Variants in OSBPL10 observed in about 807,000 individuals in gnomAD.
OSBPL10 encodes the protein oxysterol-binding protein-related protein 10.
In OSBPL10, 49 loss-of-function variants were observed where a neutral mutation model predicts 81.7. That is an observed-to-expected ratio of 0.60 (90% CI 0.48 to 0.76). The LOEUF (loss-of-function observed/expected upper bound fraction) is 0.76. OSBPL10 is among the 30% of genes least tolerant of loss of function. The pLI is 0.00. For missense variants in OSBPL10, 923 were observed against 987.8 expected (o/e 0.93, Z 0.88); for synonymous variants, 419 against 383.6 (o/e 1.09, Z -1.08).
intron 3 of OSBPL10, among the ~76,000 whole-genome samples, chr3:31,864,737 G>A (rs1191950190): frequency 1.3e-5 from 2 of 152,142 alleles, no homozygotes; most frequent in Non-Finnish European, 2.9e-5. Context: ...GACCCGAAAT[G>A]AGTGGGCATT....
chr3:31,980,586 CG>C (rs1422140504), intron 1 of OSBPL10, among the ~76,000 whole-genome samples: 2 of 152,178 alleles, frequency 1.3e-5, no homozygotes, highest in Non-Finnish European at 2.9e-5. Context: ...AAGCAGAGCA[CG>C]GGGACCAGCA....
intron 3 of OSBPL10, among the ~76,000 whole-genome samples, chr3:31,871,459 C>A (rs1701324482): frequency 6.6e-6 from 1 of 152,216 alleles, no homozygotes; most frequent in Non-Finnish European, 1.5e-5. Flanking sequence ...GTAACACTCA[C>A]CGCAAGGGTC....
chr3:32,024,882 TC>T (rs1300094420), intron 2 of OSBPL10, among the ~76,000 whole-genome samples: 1 of 152,236 alleles, frequency 6.6e-6, no homozygotes, highest in East Asian at 1.9e-4. Context: ...ATTTATTAGT[TC>T]TAGATTTGTG....
At chr3:31,897,483 A>G (rs1440306626) in intron 1 of OSBPL10, among the ~76,000 whole-genome samples, 1 of 152,224 alleles carries the variant, frequency 6.6e-6, no homozygotes, top group Non-Finnish European at 1.5e-5. Context: ...CTAAAGAAAC[A>G]AGGACCAAGT....
chr3:31,867,263 A>G (rs531502142), intron 3 of OSBPL10, among the ~76,000 whole-genome samples: 26 of 152,306 alleles, frequency 1.7e-4, no homozygotes, highest in African/African-American at 5.8e-4. Context: ...AAGCCCAGAG[A>G]AAAGATTTCT....
intron 4 of OSBPL10, among the ~76,000 whole-genome samples, chr3:31,802,388 T>A (rs1478627314): frequency 6.7e-6 from 1 of 149,382 alleles, no homozygotes; most frequent in African/African-American, 2.5e-5. Context: ...TGAAACCCCA[T>A]CTCTACTAAA....
chr3:31,662,203 G>A (rs1700086419), intron 11 of OSBPL10, 87 bp from the exon 12 acceptor site: 1 of 1,598,372 alleles, frequency 6.3e-7, no homozygotes, highest in South Asian at 1.1e-5. Flanking sequence ...CACTCTGTGT[G>A]TCTGCCGTGT....
At chr3:31,965,395 A>G (rs796866266) in intron 1 of OSBPL10, among the ~76,000 whole-genome samples, 6 of 107,408 alleles carry the variant, frequency 5.6e-5, no homozygotes. Flanking sequence ...TATGTATAAT[A>G]TATAATATAA....
At chr3:32,003,362 C>T (rs994182672) in intron 2 of OSBPL10, among the ~76,000 whole-genome samples, 44 of 152,158 alleles carry the variant, frequency 2.9e-4, no homozygotes, top group African/African-American at 1.0e-3. Context: ...AGGGGGAGTT[C>T]CCCCGAGGTT....
intron 4 of OSBPL10, among the ~76,000 whole-genome samples, chr3:31,790,351 C>T (rs1428237290): frequency 6.6e-6 from 1 of 152,170 alleles, no homozygotes; most frequent in Non-Finnish European, 1.5e-5. Flanking sequence ...GCAATATGTT[C>T]CCCAAACCTT....
chr3:31,769,879 G>A (rs1035112600), intron 4 of OSBPL10, among the ~76,000 whole-genome samples: 3 of 123,372 alleles, frequency 2.4e-5, no homozygotes, highest in Non-Finnish European at 1.7e-5. Context: ...TTTAAATGGT[G>A]AAAATAGTTC....
chr3:32,040,436 T>A (rs1411812397), intron 2 of OSBPL10, among the ~76,000 whole-genome samples: 1 of 151,810 alleles, frequency 6.6e-6, no homozygotes, highest in Non-Finnish European at 1.5e-5. Context: ...ATTAGCCAGA[T>A]GTGGTGGCAT....
chr3:31,730,272 C>T (rs540463935), intron 6 of OSBPL10, among the ~76,000 whole-genome samples: 1 of 151,130 alleles, frequency 6.6e-6, no homozygotes, highest in Non-Finnish European at 1.5e-5. Flanking sequence ...ACCCGGGAGG[C>T]GGAGGTTGCA....
intron 4 of OSBPL10, among the ~76,000 whole-genome samples, chr3:31,749,701 G>A (rs1041133126): frequency 6.6e-6 from 1 of 152,086 alleles, no homozygotes; most frequent in African/African-American, 2.4e-5. Flanking sequence ...TGTAGTCCCA[G>A]CTACTCAGGA....
intron 2 of OSBPL10, among the ~76,000 whole-genome samples, chr3:32,023,981 C>G (rs1270790392): frequency 6.6e-6 from 1 of 152,134 alleles, no homozygotes; most frequent in African/African-American, 2.4e-5. Flanking sequence ...GGATTTTCCA[C>G]TTAATATTTT....
At chr3:31,698,299 A>G (rs1415257947) in intron 7 of OSBPL10, among the ~76,000 whole-genome samples, 1 of 151,784 alleles carries the variant, frequency 6.6e-6, no homozygotes, top group Non-Finnish European at 1.5e-5. Context: ...AAAATACAAA[A>G]AATTAGCTGG....
At chr3:31,786,775 T>C (rs1016452355) in intron 4 of OSBPL10, among the ~76,000 whole-genome samples, 2 of 152,208 alleles carry the variant, frequency 1.3e-5, no homozygotes, top group Admixed American at 1.3e-4. Context: ...GGTTTTGGTT[T>C]TCTTAAGTCT....
At chr3:31,691,648 T>C (rs918978275) in intron 7 of OSBPL10, among the ~76,000 whole-genome samples, 2 of 152,094 alleles carry the variant, frequency 1.3e-5, no homozygotes, top group African/African-American at 4.8e-5. Flanking sequence ...GGAGGATCAC[T>C]TGAGCCCAGG....
At chr3:32,032,292 G>A (rs139465623) in intron 2 of OSBPL10, among the ~76,000 whole-genome samples, 1,841 of 152,146 alleles carry the variant, frequency 0.012, 43 homozygotes, top group African/African-American at 0.041. Context: ...GGGGGCACCT[G>A]TAATCCCAGC....
Sources: gnomAD v4.1 joint callset for allele counts (sites outside exome capture counted in the v4.1 genomes callset) on GRCh38, gnomAD v4.1.1 for gene constraint, MANE v1.5 for transcripts, NCBI Gene and HGNC (gene_info 2026-07-23, HGNC 2026-07-21) for gene names.